The following MTMR1 variants were observed in gnomAD, a reference collection of about 807,000 sequenced individuals.
MTMR1 encodes myotubularin related protein 1.
In MTMR1, 17 loss-of-function variants were observed where a neutral mutation model predicts 51.6. That is an observed-to-expected ratio of 0.33 (90% CI 0.23 to 0.49). MTMR1 has a LOEUF of 0.49. Among genes scored for constraint, MTMR1 ranks in the 20% least tolerant of loss-of-function variants. MTMR1 has a pLI of 0.99. For synonymous variants in MTMR1, 201 were observed against 205.6 expected (o/e 0.98, Z 0.19); for missense variants, 386 against 526.9 (o/e 0.73, Z 2.62).
At chrX:150,755,106 G>A (rs893526076) in intron 14 of MTMR1, among the ~76,000 whole-genome samples, 1 of 110,537 alleles carries the variant, frequency 9.0e-6, no homozygotes, top group Admixed American at 9.6e-5. Flanking sequence ...CCAGGCTGGA[G>A]TACAGCGGCA....
At chrX:150,721,146 C>G (rs1190692571) in intron 4 of MTMR1, among the ~76,000 whole-genome samples, 2 of 111,862 alleles carry the variant, frequency 1.8e-5, no homozygotes, top group Non-Finnish European at 3.8e-5. Context: ...AGGATAAACT[C>G]AGCTTGCTTA....
intron 6 of MTMR1, among the ~76,000 whole-genome samples, chrX:150,729,517 G>A (rs2042048759): frequency 8.9e-6 from 1 of 111,989 alleles, no homozygotes; most frequent in Non-Finnish European, 1.9e-5. Flanking sequence ...ATGCCTAAGA[G>A]CTTTACAAGG....
rs1557415824 is a variant in MTMR1, at chrX:150,698,727, A to ACAC, written c.147-468_147-467insCAC. Among the ~76,000 whole-genome samples the ACAC allele has an allele frequency of 5.5e-4, 47 of 85,970 alleles. 1 individual carries two copies. In the East Asian group the frequency reaches 0.012, roughly 21 times the overall value. The allele number at this position is 85,970 out of a possible 115,157, so 74.7% of individuals were successfully genotyped here. A position where few individuals can be genotyped will look rare whatever the true frequency, so the allele number is the denominator to read the frequency against. On this transcript the variant is annotated intron_variant, in intron 1 of 15. Transcript: ENST00000445323. ...ACACACACACACACACACACACACAAAAGCCGGGCCTGGTGGCATGTGCCT... is the reference window on the plus strand; with the variant it reads ...ACACACACACACACACACACACACAACACAAGCCGGGCCTGGTGGCATGTGCCT...
intron 11 of MTMR1, 112 bp downstream of exon 11, chrX:150,736,892 C>A (rs1055034822): frequency 8.0e-6 from 6 of 746,522 alleles, no homozygotes; most frequent in Non-Finnish European, 1.1e-5. Context: ...CTTTCTTATT[C>A]AATAGTTTCC....
intron 2 of MTMR1, among the ~76,000 whole-genome samples, chrX:150,710,821 T>C (rs2148575963): frequency 8.9e-6 from 1 of 112,289 alleles, no homozygotes; most frequent in African/African-American, 3.2e-5. Context: ...TCAGCAGAGA[T>C]TGGGAAGAGG....
intron 4 of MTMR1, among the ~76,000 whole-genome samples, chrX:150,723,908 T>G (rs1217753216): frequency 1.8e-5 from 2 of 112,144 alleles, no homozygotes. Flanking sequence ...GCAGAGGACA[T>G]GATCTCGTCC....
At chrX:150,749,978 G>A (rs1042902304) in intron 13 of MTMR1, among the ~76,000 whole-genome samples, 5 of 110,892 alleles carry the variant, frequency 4.5e-5, no homozygotes, top group African/African-American at 6.6e-5. Context: ...TTAGTCGGGC[G>A]TGGTGGTGCG....
At chrX:150,706,465 T>C (rs2041107113) in intron 2 of MTMR1, among the ~76,000 whole-genome samples, 1 of 112,184 alleles carries the variant, frequency 8.9e-6, no homozygotes, top group African/African-American at 3.2e-5. Context: ...ATGTTCTGGG[T>C]ATTAATACCT....
chrX:150,735,392 G>A, intron 10 of MTMR1: 2 of 462,888 alleles, frequency 4.3e-6, no homozygotes, highest in Admixed American at 3.1e-5. Flanking sequence ...GTATTTTGTT[G>A]AGGATATTTG....
intron 2 of MTMR1, among the ~76,000 whole-genome samples, chrX:150,700,857 G>A (rs781883460): frequency 8.9e-6 from 1 of 112,440 alleles, no homozygotes; most frequent in African/African-American, 3.2e-5. Context: ...ATTGAATGTC[G>A]ACTGTGTGCA....
rs1286756968 is a variant in MTMR1 at position 150,694,454 on chromosome X, C to T, written c.146+778C>T. ...GTGTAACCCGGAACATCCAGTTTTCCCACAACTTGGCCATTTCCCTGACAC... is the reference window on the plus strand; with the variant it reads ...GTGTAACCCGGAACATCCAGTTTTCTCACAACTTGGCCATTTCCCTGACAC... On this transcript the variant is annotated intron_variant, in intron 1 of 15. Coordinates refer to ENST00000445323, the MANE Select transcript of MTMR1 (RefSeq NM_001306144.3). 3.6e-5 allele frequency among the ~76,000 whole-genome samples: 4 copies of T among 111,567 alleles called. No homozygotes were observed. In the Admixed American group the frequency reaches 3.8e-4, roughly 11 times the overall value.
At chrX:150,754,897 C>T (rs1321584218) in intron 14 of MTMR1, among the ~76,000 whole-genome samples, 3 of 109,832 alleles carry the variant, frequency 2.7e-5, no homozygotes, top group African/African-American at 6.7e-5. Flanking sequence ...TGGTGGCGTG[C>T]GCCTGTAGTC....
intron 4 of MTMR1, among the ~76,000 whole-genome samples, chrX:150,724,343 T>C (rs1238887519): frequency 1.8e-5 from 2 of 111,551 alleles, no homozygotes; most frequent in African/African-American, 3.3e-5. Context: ...TGTTCAGTGA[T>C]ACTGAGCTTT....
Position 150,750,759 on chromosome X carries a change from A to G in MTMR1, c.1596A>G (p.Leu532=), listed in dbSNP as rs1264634791. ...CTTCAGCATTCGAGTTTAATGAGCTATTCTTGATTACAATTTTGGATCACC... is the reference window on the plus strand; with the variant it reads ...CTTCAGCATTCGAGTTTAATGAGCTGTTCTTGATTACAATTTTGGATCACC... The part of the protein sequence containing the change: ...QFPSAFEFNE[L]FLITILDHLY... The change falls in exon 14 of 16, where the codon CTA becomes CTG. Residue 532 remains leucine, a synonymous_variant. Coordinates refer to ENST00000445323, the MANE Select transcript of MTMR1 (RefSeq NM_001306144.3). 3 of 1,205,745 alleles carry G rather than the reference A, an allele frequency of 2.5e-6. No homozygotes were observed. Among genetic ancestry groups the G allele is most frequent in the African/African-American group, 3.5e-5 (2 of 57,690 alleles).
At chrX:150,742,545 G>A (rs781988310) in intron 12 of MTMR1, among the ~76,000 whole-genome samples, 38 of 111,370 alleles carry the variant, frequency 3.4e-4, no homozygotes, top group African/African-American at 1.0e-3. Flanking sequence ...GGCCAGGCGC[G>A]GTGGCTCACG....
At chrX:150,741,314 C>A (rs1290967869) in intron 12 of MTMR1, among the ~76,000 whole-genome samples, 3 of 112,341 alleles carry the variant, frequency 2.7e-5, no homozygotes, top group African/African-American at 9.7e-5. Flanking sequence ...CTGTGCCCAG[C>A]TACTTGTGGC....
At chrX:150,752,683 T>A (rs1181866614) in intron 14 of MTMR1, among the ~76,000 whole-genome samples, 3 of 98,110 alleles carry the variant, frequency 3.1e-5, no homozygotes, top group African/African-American at 1.1e-4. Context: ...CTTAAAAAAA[T>A]GAGCTCTCTT....
At chrX:150,717,926 C>T (rs1427753059) in intron 3 of MTMR1, among the ~76,000 whole-genome samples, 3 of 113,037 alleles carry the variant, frequency 2.7e-5, no homozygotes, top group African/African-American at 6.4e-5. Context: ...ACACCCTGCT[C>T]CGCAGCAGGG....
intron 6 of MTMR1, 93 bp from the exon 7 acceptor site, chrX:150,730,016 A>T (rs782279888): frequency 6.4e-6 from 3 of 466,894 alleles, no homozygotes; most frequent in South Asian, 4.7e-5. Context: ...GAAATGAATT[A>T]AAAAAAAATA....
Sources: gnomAD v4.1 joint callset for allele counts (sites outside exome capture counted in the v4.1 genomes callset) on GRCh38, gnomAD v4.1.1 for gene constraint, MANE v1.5 for transcripts, NCBI Gene and HGNC (gene_info 2026-07-23, HGNC 2026-07-21) for gene names.